CPEB1: variants seen among roughly 807,000 people sequenced by gnomAD.
CPEB1 encodes cytoplasmic polyadenylation element binding protein 1, also known as cytoplasmic polyadenylation element-binding protein 1.
A neutral mutation model predicts 65.8 loss-of-function variants in CPEB1; 7 were observed. That is an observed-to-expected ratio of 0.11 (90% CI 0.06 to 0.20). The LOEUF (loss-of-function observed/expected upper bound fraction) is 0.20. CPEB1 is among the 10% of genes least tolerant of loss of function. The pLI, the probability that CPEB1 is intolerant of heterozygous loss-of-function variation, is 1.00. For missense variants in CPEB1, 551 were observed against 712.2 expected, an observed-to-expected ratio of 0.77 and a Z score of 2.58; for synonymous variants, 262 against 260.0, an observed-to-expected ratio of 1.01 and a Z score of -0.08.
chr15:82,569,515 G>A (rs954334307), intron 4 of CPEB1, among the ~76,000 whole-genome samples: 2 of 152,118 alleles, frequency 1.3e-5, no homozygotes, highest in African/African-American at 4.8e-5. Flanking sequence ...GATGGAAAGT[G>A]GAAAAGAAAA....
chr15:82,638,562 T>G (rs368139008), intron 1 of CPEB1: 4 of 152,198 alleles, frequency 2.6e-5, no homozygotes, highest in Admixed American at 6.5e-5. Context: ...GTGACTGACT[T>G]ACTTGGTTGA....
At chr15:82,567,981 ATC>A (rs1448131627) in intron 4 of CPEB1, among the ~76,000 whole-genome samples, 1 of 152,200 alleles carries the variant, frequency 6.6e-6, no homozygotes, top group African/African-American at 2.4e-5. Flanking sequence ...ACCTTCAGAG[ATC>A]TCATCAAGGG....
chr15:82,546,851 A>C, intron 11 of CPEB1, among the ~76,000 whole-genome samples: 1 of 152,132 alleles, frequency 6.6e-6, no homozygotes, highest in East Asian at 1.9e-4. Flanking sequence ...GGATTCCCAA[A>C]AGGTTGGAAA....
rs752553777 is a variant in CPEB1, at chr15:82,627,245, G to A, written c.219C>T (p.Phe73=). The A allele has an allele frequency of 1.5e-5, 24 of 1,613,634 alleles. No individual in the cohort carries two copies. Among genetic ancestry groups the A allele is most frequent in the East Asian group, 2.2e-5 (1 of 44,884 alleles). ...INAILDNSLD[F]SRVCTTPINR... is the part of the protein sequence containing the mutation. ...TTATAGGTGTAGTGCAGACTCTACT[G>A]AAATCCAGAGAATTATCCAATATGG... The change falls in exon 3 of 13, where the codon TTC becomes TTT. Residue 73 remains phenylalanine, a synonymous_variant. Coordinates refer to ENST00000684509, the MANE Select transcript of CPEB1 (RefSeq NM_001365242.1).
chr15:82,642,770 T>C (rs1174454604), intron 1 of CPEB1, among the ~76,000 whole-genome samples: 1 of 152,128 alleles, frequency 6.6e-6, no homozygotes, highest in African/African-American at 2.4e-5. Flanking sequence ...GAAAAGCACA[T>C]TTGCAGAACA....
intron 4 of CPEB1, among the ~76,000 whole-genome samples, chr15:82,566,901 G>C (rs1020937872): frequency 6.6e-6 from 1 of 152,014 alleles, no homozygotes; most frequent in Non-Finnish European, 1.5e-5. Context: ...CCAAGATACT[G>C]ATCTTTGAAG....
At chr15:82,623,884 T>A (rs1341136088) in intron 3 of CPEB1, among the ~76,000 whole-genome samples, 2 of 152,170 alleles carry the variant, frequency 1.3e-5, no homozygotes, top group Non-Finnish European at 2.9e-5. Context: ...AACATTATAT[T>A]TTATGGTACA....
At chr15:82,545,478 C>A (rs1433026860) in intron 12 of CPEB1, among the ~76,000 whole-genome samples, 1 of 152,152 alleles carries the variant, frequency 6.6e-6, no homozygotes, top group Non-Finnish European at 1.5e-5. Flanking sequence ...CTTCCCCTAA[C>A]ACCTGTCAAA....
chr15:82,638,977 G>C (rs971814586), intron 1 of CPEB1, among the ~76,000 whole-genome samples: 2 of 152,102 alleles, frequency 1.3e-5, no homozygotes, highest in Non-Finnish European at 2.9e-5. Flanking sequence ...TTGCACTATC[G>C]GTACAAATGT....
intron 2 of CPEB1, 66 bp from the exon 3 acceptor site, chr15:82,627,433 A>T: frequency 8.1e-7 from 1 of 1,234,518 alleles, no homozygotes; most frequent in Non-Finnish European, 1.1e-6. Context: ...TTCTCTCCAC[A>T]TTACGAATTA....
At chr15:82,571,624 C>G in intron 3 of CPEB1, 92 bp from the exon 4 acceptor site, 1 of 1,491,838 alleles carries the variant, frequency 6.7e-7, no homozygotes, top group East Asian at 2.4e-5. Flanking sequence ...AATAGTTTCC[C>G]CAGGCTCACA....
chr15:82,602,548 A>C (rs937438531), intron 3 of CPEB1, among the ~76,000 whole-genome samples: 1 of 152,080 alleles, frequency 6.6e-6, no homozygotes, highest in Non-Finnish European at 1.5e-5. Flanking sequence ...ATCCAGAAAT[A>C]TATGTATATA....
chr15:82,614,968 G>A (rs2044573074), intron 3 of CPEB1, among the ~76,000 whole-genome samples: 1 of 151,898 alleles, frequency 6.6e-6, no homozygotes, highest in Non-Finnish European at 1.5e-5. Flanking sequence ...TTTAGTAAGT[G>A]CAGTTATGTG....
intron 4 of CPEB1, among the ~76,000 whole-genome samples, chr15:82,562,600 G>C (rs1376236818): frequency 1.3e-5 from 2 of 152,048 alleles, no homozygotes; most frequent in African/African-American, 4.8e-5. Context: ...AGTACCTTGG[G>C]GGACTGAGGC....
intron 1 of CPEB1, among the ~76,000 whole-genome samples, chr15:82,637,773 G>C (rs1392689207): frequency 6.6e-6 from 1 of 152,064 alleles, no homozygotes; most frequent in African/African-American, 2.4e-5. Flanking sequence ...GAGGGCAGTG[G>C]TCCACAAACT....
chr15:82,644,887 A>T (rs1174222304), intron 1 of CPEB1, among the ~76,000 whole-genome samples: 2 of 152,208 alleles, frequency 1.3e-5, no homozygotes, highest in Non-Finnish European at 2.9e-5. Context: ...CTGAGCCTGG[A>T]GTCTTACTAC....
intron 1 of CPEB1, among the ~76,000 whole-genome samples, chr15:82,631,740 C>G (rs1490201441): frequency 6.6e-6 from 1 of 152,294 alleles, no homozygotes; most frequent in Admixed American, 6.5e-5. Context: ...TACCCCCTAA[C>G]TCTTCCTCTT....
intron 4 of CPEB1, among the ~76,000 whole-genome samples, chr15:82,567,711 A>G (rs1408389816): frequency 6.6e-6 from 1 of 152,136 alleles, no homozygotes; most frequent in East Asian, 1.9e-4. Flanking sequence ...GGGGAGTGGC[A>G]AAAAACAGAC....
At chr15:82,571,116 G>C (rs530546638) in intron 4 of CPEB1, among the ~76,000 whole-genome samples, 1 of 152,326 alleles carries the variant, frequency 6.6e-6, no homozygotes, top group African/African-American at 2.4e-5. Context: ...AACAACTCCA[G>C]GGAATTTATC....
Sources: allele counts gnomAD v4.1 joint callset (sites outside exome capture counted in the v4.1 genomes callset), GRCh38; gene constraint gnomAD v4.1.1; transcripts MANE v1.5; gene names NCBI Gene and HGNC (gene_info 2026-07-23, HGNC 2026-07-21).